The following SV2C variants were observed in gnomAD, a reference collection of about 807,000 sequenced individuals.
SV2C encodes the protein solute carrier family 22 member B3.
In SV2C, 49 loss-of-function variants were observed where a neutral mutation model predicts 79.7. That is an observed-to-expected ratio of 0.61 (90% CI 0.49 to 0.78). The LOEUF (loss-of-function observed/expected upper bound fraction) is 0.78. Ranked by LOEUF, SV2C falls within the 30% of genes least tolerant of loss-of-function variation. SV2C has a pLI of 0.00. For synonymous variants in SV2C, 334 were observed against 333.2 expected (o/e 1.00, Z -0.03); for missense variants, 833 against 912.9 (o/e 0.91, Z 1.13).
chr5:75,935,278 TA>T, the SV2C span, among the ~76,000 whole-genome samples: 1 of 152,180 alleles, frequency 6.6e-6, no homozygotes, highest in African/African-American at 2.4e-5. Flanking sequence ...AATTTTTAAA[TA>T]AAAAGATTGG....
At chr5:76,038,165 C>G in the SV2C span, among the ~76,000 whole-genome samples, 1 of 152,328 alleles carries the variant, frequency 6.6e-6, no homozygotes, top group East Asian at 1.9e-4. Flanking sequence ...TGAGATGAAC[C>G]CGGTACCTCA....
At chr5:76,000,665 A>C in the SV2C span, among the ~76,000 whole-genome samples, 3 of 152,198 alleles carry the variant, frequency 2.0e-5, no homozygotes, top group East Asian at 3.8e-4. Context: ...TTACGTTAGG[A>C]TTTAAACATT....
chr5:75,884,499 T>G, the SV2C span, among the ~76,000 whole-genome samples: 2 of 152,178 alleles, frequency 1.3e-5, no homozygotes, highest in Non-Finnish European at 2.9e-5. Flanking sequence ...GACTTGCCTT[T>G]TCTAACTATT....
chr5:76,294,737 C>T (rs924451338), intron 8 of SV2C, among the ~76,000 whole-genome samples: 6 of 152,170 alleles, frequency 3.9e-5, no homozygotes, highest in African/African-American at 9.7e-5. Flanking sequence ...GGTAGGCACA[C>T]GTGGTTAGTG....
At chr5:76,277,834 T>C (rs1356663534) in intron 4 of SV2C, among the ~76,000 whole-genome samples, 2 of 151,486 alleles carry the variant, frequency 1.3e-5, no homozygotes, top group East Asian at 3.9e-4. Context: ...GACAAAACTA[T>C]AGGGACAGAC....
intron 1 of SV2C, among the ~76,000 whole-genome samples, chr5:76,084,910 C>G (rs1419278997): frequency 6.6e-6 from 1 of 151,910 alleles, no homozygotes; most frequent in Non-Finnish European, 1.5e-5. Context: ...CGCAGTGCGC[C>G]GCAGTGCCGG....
Position 76,132,155 on chromosome 5 carries a change from CCAG to C in SV2C, c.409_411del (p.Gln137del). Reference sequence around the variant, plus strand: ...GGAGAGCTGACGAGGAAGAGTTAGCCCAGCAGTATGAGCTGATAATCCAAGAAT... The same window carrying C: ...GGAGAGCTGACGAGGAAGAGTTAGCCCAGTATGAGCTGATAATCCAAGAAT... On this transcript the variant is annotated inframe_deletion, in exon 2 of 13. Coordinates refer to ENST00000502798, the MANE Select transcript of SV2C (RefSeq NM_014979.4). 6.2e-7 allele frequency: 1 copy of C among 1,614,112 alleles called. No homozygotes were observed. The highest frequency in any genetic ancestry group is 8.5e-7 in the Non-Finnish European group (1 of 1,180,012).
intron 4 of SV2C, among the ~76,000 whole-genome samples, chr5:76,211,194 A>T (rs1235901515): frequency 6.6e-6 from 1 of 151,616 alleles, no homozygotes; most frequent in African/African-American, 2.4e-5. Flanking sequence ...GAGCAGGAAA[A>T]CTCCTGTTGT....
chr5:76,224,358 G>A (rs562175343), intron 4 of SV2C, among the ~76,000 whole-genome samples: 9 of 152,284 alleles, frequency 5.9e-5, no homozygotes, highest in African/African-American at 1.9e-4. Context: ...AAATATGTAT[G>A]TGTGTGTATG....
chr5:76,263,107 G>C (rs1476387756), intron 4 of SV2C, among the ~76,000 whole-genome samples: 2 of 152,074 alleles, frequency 1.3e-5, no homozygotes, highest in Non-Finnish European at 2.9e-5. Flanking sequence ...TTATGAATCT[G>C]GGTGCTCCTA....
At chr5:76,268,180 G>A (rs1561291092) in intron 4 of SV2C, among the ~76,000 whole-genome samples, 1 of 152,172 alleles carries the variant, frequency 6.6e-6, no homozygotes, top group Non-Finnish European at 1.5e-5. Context: ...TATTTGGAAG[G>A]TAGACAGAAA....
intron 4 of SV2C, among the ~76,000 whole-genome samples, chr5:76,276,275 A>C (rs183984919): frequency 3.0e-4 from 46 of 152,330 alleles, no homozygotes; most frequent in African/African-American, 1.1e-3. Context: ...AGTTTTACAA[A>C]GCATTTGCAG....
chr5:76,223,273 T>A (rs531961297), intron 4 of SV2C, among the ~76,000 whole-genome samples: 3 of 151,414 alleles, frequency 2.0e-5, no homozygotes, highest in South Asian at 4.2e-4. Context: ...ATAAAAATTT[T>A]AAAAATTAGC....
chr5:75,898,073 C>A, the SV2C span, among the ~76,000 whole-genome samples: 76 of 152,108 alleles, frequency 5.0e-4, no homozygotes, highest in African/African-American at 1.7e-3. Flanking sequence ...CTTCTCCTGC[C>A]TAATTGCCCT....
At chr5:76,134,956 A>G (rs914564409) in intron 2 of SV2C, among the ~76,000 whole-genome samples, 1 of 152,198 alleles carries the variant, frequency 6.6e-6, no homozygotes, top group Non-Finnish European at 1.5e-5. Flanking sequence ...GTAATGGAGA[A>G]ATCACAAATG....
the SV2C span, among the ~76,000 whole-genome samples, chr5:75,997,982 A>G: frequency 6.6e-6 from 1 of 150,382 alleles, no homozygotes; most frequent in African/African-American, 2.4e-5. Flanking sequence ...AAAATGTGGT[A>G]CATATACACC....
At chr5:76,202,015 C>CAAAAAAAA (rs373279209) in intron 3 of SV2C, among the ~76,000 whole-genome samples, 4 of 82,124 alleles carry the variant, frequency 4.9e-5, no homozygotes, top group Non-Finnish European at 9.3e-5. Flanking sequence ...GACTCCATCT[C>CAAAAAAAA]AAAAAAAAAA....
chr5:75,865,761 G>A, the SV2C span, among the ~76,000 whole-genome samples: 17 of 152,220 alleles, frequency 1.1e-4, no homozygotes, highest in Non-Finnish European at 1.2e-4. Context: ...TCCGTAGGAC[G>A]TTAATGCCAC....
chr5:76,118,734 C>A (rs1287933084), intron 1 of SV2C, among the ~76,000 whole-genome samples: 2 of 152,162 alleles, frequency 1.3e-5, no homozygotes, highest in Admixed American at 1.3e-4. Context: ...GTAATCCCAG[C>A]ACTTTGGGAG....
Sources: gnomAD v4.1 joint callset for allele counts (sites outside exome capture counted in the v4.1 genomes callset) on GRCh38, gnomAD v4.1.1 for gene constraint, MANE v1.5 for transcripts, NCBI Gene and HGNC (gene_info 2026-07-23, HGNC 2026-07-21) for gene names.